GRIK2: variants seen among roughly 807,000 people sequenced by gnomAD.
GRIK2 encodes glutamate receptor ionotropic, kainate 2.
Under a neutral mutation model 100.3 loss-of-function variants are expected in GRIK2, and 32 were observed. The ratio of observed to expected loss-of-function variants is 0.32; its 90% CI spans 0.24 to 0.43. GRIK2 has a LOEUF of 0.43. GRIK2 is among the 20% of genes least tolerant of loss of function. GRIK2 has a pLI of 1.00. For synonymous variants in GRIK2, 417 were observed against 389.4 expected, an observed-to-expected ratio of 1.07 and a Z score of -0.83; for missense variants, 843 against 1,114.9, an observed-to-expected ratio of 0.76 and a Z score of 3.47.
rs142433550 is a variant in GRIK2 at position 101,423,967 on chromosome 6, G to A, written c.115+24575G>A. Among the ~76,000 whole-genome samples, 941 of 152,224 alleles carry A rather than the reference G, an allele frequency of 6.2e-3. 14 individuals are homozygous for A. Among genetic ancestry groups the A allele is most frequent in the African/African-American group, 0.021 (881 of 41,552 alleles). ...AAGAAATTATATGGAATGTAAGGTA[G>A]CTGTGGGAGTGGTAAATGTCTACAG... On this transcript the variant is annotated intron_variant, in intron 2 of 16. Coordinates refer to ENST00000369134, the MANE Select transcript of GRIK2 (RefSeq NM_021956.5).
At chr6:101,988,114 T>C (rs1056874188) in intron 14 of GRIK2, among the ~76,000 whole-genome samples, 7 of 44,578 alleles carry the variant, frequency 1.6e-4, no homozygotes, top group African/African-American at 5.6e-4. Flanking sequence ...TGTGTGTGTG[T>C]GTGTGTGTGT....
intron 2 of GRIK2, among the ~76,000 whole-genome samples, chr6:101,476,764 A>G (rs1403941480): frequency 6.6e-6 from 1 of 152,154 alleles, no homozygotes; most frequent in African/African-American, 2.4e-5. Context: ...ACCCACTGAG[A>G]TGACCACATG....
intron 2 of GRIK2, among the ~76,000 whole-genome samples, chr6:101,597,656 T>A (rs1778986028): frequency 6.6e-6 from 1 of 151,790 alleles, no homozygotes; most frequent in Non-Finnish European, 1.5e-5. Flanking sequence ...CTTCTTCAGT[T>A]TTAAACAAAG....
At chr6:101,699,453 A>T (rs1169630591) in intron 7 of GRIK2, among the ~76,000 whole-genome samples, 1 of 152,038 alleles carries the variant, frequency 6.6e-6, no homozygotes, top group Non-Finnish European at 1.5e-5. Flanking sequence ...GTCAAAAGCT[A>T]TTTCCAGATC....
chr6:101,429,376 C>T (rs1437352757), intron 2 of GRIK2, among the ~76,000 whole-genome samples: 1 of 152,148 alleles, frequency 6.6e-6, no homozygotes, highest in Non-Finnish European at 1.5e-5. Context: ...GTAGTGCACA[C>T]CCTAACTACA....
At position 101,462,138 on chromosome 6, in the gene GRIK2, G is replaced by T. The variant is rs895844414; in HGVS notation, c.115+62746G>T. Among the ~76,000 whole-genome samples the T allele has an allele frequency of 2.0e-5, 3 of 152,210 alleles. 1 individual carries two copies. In the East Asian group the frequency reaches 5.8e-4, roughly 29 times the overall value. On this transcript the variant is annotated intron_variant, in intron 2 of 16. Transcript: ENST00000369134. ...GTGTTAAATGTTAATATGTTAATGT[G>T]TTGTTTGGTTAGAATTATTAGGGCC...
chr6:101,926,079 G>A (rs2128470823), intron 13 of GRIK2, among the ~76,000 whole-genome samples: 1 of 150,956 alleles, frequency 6.6e-6, no homozygotes, highest in Admixed American at 6.6e-5. Context: ...TGAAAATCCA[G>A]AAAACTTTTA....
chr6:102,059,683 CAT>C (rs1006514766), intron 16 of GRIK2, among the ~76,000 whole-genome samples: 5 of 150,688 alleles, frequency 3.3e-5, no homozygotes, highest in Admixed American at 6.6e-5. Flanking sequence ...CTTTTTATAA[CAT>C]GGATTGTTTA....
chr6:101,444,262 C>T (rs1770243707), intron 2 of GRIK2, among the ~76,000 whole-genome samples: 1 of 151,848 alleles, frequency 6.6e-6, no homozygotes, highest in Admixed American at 6.6e-5. Context: ...CTTTTTTTCT[C>T]AAGGTAGAAT....
intron 7 of GRIK2, among the ~76,000 whole-genome samples, chr6:101,778,602 G>C (rs1055861064): frequency 3.3e-5 from 5 of 152,140 alleles, no homozygotes; most frequent in Admixed American, 3.3e-4. Flanking sequence ...GTATCCAAAA[G>C]TCATTCCAAA....
At chr6:101,577,648 G>C (rs909567740) in intron 2 of GRIK2, among the ~76,000 whole-genome samples, 6 of 152,034 alleles carry the variant, frequency 3.9e-5, no homozygotes, top group Non-Finnish European at 8.8e-5. Context: ...ACAGTGTTAT[G>C]AATCAACATA....
At chr6:101,679,255 G>GC (rs1771067708) in intron 5 of GRIK2, among the ~76,000 whole-genome samples, 1 of 151,974 alleles carries the variant, frequency 6.6e-6, no homozygotes, top group African/African-American at 2.4e-5. Flanking sequence ...ATGTGTATAG[G>GC]CCCCCCTCAT....
At chr6:101,983,045 G>A (rs962195875) in intron 14 of GRIK2, among the ~76,000 whole-genome samples, 1 of 151,774 alleles carries the variant, frequency 6.6e-6, no homozygotes, top group African/African-American at 2.4e-5. Flanking sequence ...TATGAATGAA[G>A]TAATGTCTTT....
intron 7 of GRIK2, among the ~76,000 whole-genome samples, chr6:101,721,042 C>T (rs1774444951): frequency 1.3e-5 from 2 of 152,044 alleles, no homozygotes; most frequent in African/African-American, 4.8e-5. Context: ...TGTAACCATT[C>T]AGATAGGTGG....
chr6:101,700,629 A>T (rs1377479378), intron 7 of GRIK2, among the ~76,000 whole-genome samples: 1 of 152,166 alleles, frequency 6.6e-6, no homozygotes, highest in African/African-American at 2.4e-5. Context: ...GATGGGACTG[A>T]GGTGCCAATA....
chr6:101,400,325 G>T (rs1775227362), intron 2 of GRIK2, among the ~76,000 whole-genome samples: 1 of 152,170 alleles, frequency 6.6e-6, no homozygotes, highest in Non-Finnish European at 1.5e-5. Flanking sequence ...TGGTCAGAGG[G>T]TCAGAGTGAT....
intron 7 of GRIK2, among the ~76,000 whole-genome samples, chr6:101,736,449 A>G (rs1775636902): frequency 1.3e-5 from 2 of 152,126 alleles, no homozygotes; most frequent in South Asian, 4.1e-4. Context: ...TCTGAAATCT[A>G]GGCAGAGGTT....
chr6:101,872,052 G>T (rs1331054653), intron 11 of GRIK2, among the ~76,000 whole-genome samples: 1 of 151,734 alleles, frequency 6.6e-6, no homozygotes, highest in East Asian at 1.9e-4. Context: ...TTTTGTTGTT[G>T]TTGACTTTTT....
chr6:101,614,459 T>C (rs1414943596), intron 2 of GRIK2, among the ~76,000 whole-genome samples: 1 of 151,654 alleles, frequency 6.6e-6, no homozygotes, highest in Non-Finnish European at 1.5e-5. Context: ...AGTCAGGATA[T>C]TTTCTTATAT....
Sources: allele counts gnomAD v4.1 joint callset (sites outside exome capture counted in the v4.1 genomes callset), GRCh38; gene constraint gnomAD v4.1.1; transcripts MANE v1.5; gene names NCBI Gene and HGNC (gene_info 2026-07-23, HGNC 2026-07-21).